MN1: variants seen among roughly 807,000 people sequenced by gnomAD.
MN1 encodes MN1 proto-oncogene, transcriptional regulator.
Under a neutral mutation model 86.9 loss-of-function variants are expected in MN1, and 19 were observed. The ratio of observed to expected loss-of-function variants is 0.22; its 90% CI spans 0.15 to 0.32. MN1 has a LOEUF of 0.32. Ranked by LOEUF, MN1 falls within the 10% of genes least tolerant of loss-of-function variation. MN1 has a pLI of 1.00. For synonymous variants in MN1, 928 were observed against 849.6 expected, an observed-to-expected ratio of 1.09 and a Z score of -1.60; for missense variants, 1,841 against 1,862.0, an observed-to-expected ratio of 0.99 and a Z score of 0.21.
Position 27,750,865 on chromosome 22 carries a change from A to G in MN1, c.*50T>C. ...GGGTAAGGTTGAGGGGGAAGGAAAC[A>G]GACAGGGGGAGAGGAAGGGCCTGGT... On this transcript the variant is annotated 3_prime_UTR_variant, in exon 2 of 2. Transcript: ENST00000302326. 6.8e-7 allele frequency: 1 copy of G among 1,476,640 alleles called. No homozygotes were observed. The highest frequency in any genetic ancestry group is 2.4e-5 in the East Asian group (1 of 42,032). 91.5% of individuals were successfully genotyped at this position (1,476,640 alleles called of 1,614,324 possible).
chr22:27,767,715 C>T lies in MN1; in HGVS notation c.3782-16619G>A, dbSNP rs541571989. Among the ~76,000 whole-genome samples, 6 of 152,198 alleles carry T rather than the reference C, an allele frequency of 3.9e-5. No homozygotes were observed. The East Asian group carries it at 1.2e-3, about 29-fold the overall frequency. ...TGGAAATCGGTGAAATTACCCTCCA[C>T]CGCTCCAACAACATCTCTGGGCAGG... is the stretch of plus-strand genomic sequence containing the variant. On this transcript the variant is annotated intron_variant, in intron 1 of 1. Transcript: ENST00000302326.
chr22:27,768,790 A>G (rs982717066), intron 1 of MN1, among the ~76,000 whole-genome samples: 3 of 152,178 alleles, frequency 2.0e-5, no homozygotes, highest in Non-Finnish European at 4.4e-5. Flanking sequence ...TGGGCCACAC[A>G]GTGTGACTCT....
At chr22:27,767,835 G>A (rs1009832864) in intron 1 of MN1, among the ~76,000 whole-genome samples, 1 of 152,156 alleles carries the variant, frequency 6.6e-6, no homozygotes, top group Non-Finnish European at 1.5e-5. Context: ...TCAGCAAATT[G>A]GAGGGTAATT....
intron 1 of MN1, among the ~76,000 whole-genome samples, chr22:27,782,148 C>T (rs1485055835): frequency 6.6e-6 from 1 of 152,194 alleles, no homozygotes; most frequent in Non-Finnish European, 1.5e-5. Flanking sequence ...GCGCTACCAT[C>T]CCACTGCTAG....
At position 27,797,173 on chromosome 22, in the gene MN1, G is replaced by A. The variant is rs776900381; in HGVS notation, c.3371C>T (p.Pro1124Leu). 2.8e-5 allele frequency: 44 copies of A among 1,559,720 alleles called. No homozygotes were observed. The highest frequency in any genetic ancestry group is 3.6e-5 in the Non-Finnish European group (42 of 1,156,290). ...TPDSYGGGGG[P>L]GHPGTPGLEQ... ...CAGGCCCGGAGTGCCCGGATGGCCC[G>A]GGCCCCCACCGCCGCCGTAGCTGTC... Residue 1124 changes from proline (P) to leucine (L), a missense_variant, in exon 1 of 2, where the codon CCG becomes CTG. Physicochemically the swap from Pro to Leu is moderately conservative, Grantham distance 98. Coordinates refer to ENST00000302326, the MANE Select transcript of MN1 (RefSeq NM_002430.3).
Position 27,798,567 on chromosome 22 carries a change from G to T in MN1, c.1977C>A (p.His659Gln). The T allele has an allele frequency of 6.5e-7, 1 of 1,532,784 alleles. No individual in the cohort carries two copies. Among genetic ancestry groups the T allele is most frequent in the Non-Finnish European group, 8.7e-7 (1 of 1,149,808 alleles). 94.9% of individuals were successfully genotyped at this position (1,532,784 alleles called of 1,614,324 possible). The change falls in exon 1 of 2, where the codon CAC becomes CAA. Residue 659 changes from histidine (H) to glutamine (Q), a missense_variant. Physicochemically the swap from His to Gln is conservative, Grantham distance 24 (BLOSUM62 0). Transcript: ENST00000302326. ...GAGGAGGGGGCGCCAGGCTGGGGTCGTGCGGGCCACAGTCAGCGGGCAGAC... is the reference window on the plus strand; with the variant it reads ...GAGGAGGGGGCGCCAGGCTGGGGTCTTGCGGGCCACAGTCAGCGGGCAGAC... The part of the protein sequence containing the change: ...GSGLPADCGP[H>Q]DPSLAPPPPP...
At chr22:27,754,121 A>G (rs4822935) in intron 1 of MN1, among the ~76,000 whole-genome samples, 114,573 of 152,098 alleles carry the variant, frequency 0.75, 43,690 homozygotes, top group African/African-American at 0.87. Context: ...GGGGCTGCAA[A>G]CACCCAGAAA....
chr22:27,796,803 G>A lies in MN1; in HGVS notation c.3741C>T (p.Pro1247=), dbSNP rs1460715060. Reference sequence around the variant, plus strand: ...GGTTCTGGGGTTTGGCCTTCTCCCAGGGCGCCAACGTCTTGTCGTCGTCCG... The same window carrying A: ...GGTTCTGGGGTTTGGCCTTCTCCCAAGGCGCCAACGTCTTGTCGTCGTCCG... The part of the protein sequence containing the change: ...DSADDDKTLA[P]WEKAKPQNPN... Residue 1247 remains proline, a synonymous_variant, in exon 1 of 2, where the codon CCC becomes CCT. Transcript: ENST00000302326. The A allele has an allele frequency of 1.9e-6, 3 of 1,607,988 alleles. No homozygotes were observed. The highest frequency in any genetic ancestry group is 1.3e-5 in the African/African-American group (1 of 74,870).
At chr22:27,786,375 A>G (rs1933132825) in intron 1 of MN1, among the ~76,000 whole-genome samples, 1 of 152,160 alleles carries the variant, frequency 6.6e-6, no homozygotes, top group Non-Finnish European at 1.5e-5. Flanking sequence ...TCCGAGACTT[A>G]TGCATACTTT....
chr22:27,798,482 CG>C lies in MN1; in HGVS notation c.2061del (p.Gly688GlufsTer76). On this transcript the variant is annotated frameshift_variant, in exon 1 of 2. Coordinates refer to ENST00000302326, the MANE Select transcript of MN1 (RefSeq NM_002430.3). LOFTEE classifies it high-confidence loss of function. ...RGPLQEPMRM[P>X]GEGHVPALPS... ...GGCAGCGCGGGCACGTGGCCCTCTC[CG>C]GGCATCCTCATCGGCTCCTGCAGAG... is the stretch of plus-strand genomic sequence containing the variant. 6.4e-7 allele frequency: 1 copy of C among 1,559,216 alleles called. No individual in the cohort carries two copies.
At chr22:27,791,481 GC>G (rs533258037) in intron 1 of MN1, among the ~76,000 whole-genome samples, 118 of 152,188 alleles carry the variant, frequency 7.8e-4, no homozygotes, top group Admixed American at 1.5e-3. Flanking sequence ...GGCGATCCTG[GC>G]CCCTCCAGAC....
In MN1 at chr22:27,800,801, G is replaced by A. The variant is rs1601348017; in HGVS notation, c.-258C>T. On this transcript the variant is annotated 5_prime_UTR_variant, in exon 1 of 2. Transcript: ENST00000302326. ...CGCGGGGCCTCTAGGAGCCGTGTTG[G>A]GGGGCCCATGCCCCGGGCGGTTGTC... 1.8e-5 allele frequency: 10 copies of A among 565,794 alleles called. 1 individual carries two copies. The East Asian group carries it at 3.1e-4, about 18-fold the overall frequency. The allele number at this position is 565,794 out of a possible 1,614,324, so 35.0% of individuals were successfully genotyped here.
At chr22:27,782,410 G>A (rs1601335338) in intron 1 of MN1, among the ~76,000 whole-genome samples, 1 of 152,178 alleles carries the variant, frequency 6.6e-6, no homozygotes, top group East Asian at 1.9e-4. Flanking sequence ...GCCTGGCATC[G>A]TTTCCCCTCC....
At chr22:27,760,213 C>T (rs1469912070) in intron 1 of MN1, among the ~76,000 whole-genome samples, 1 of 152,096 alleles carries the variant, frequency 6.6e-6, no homozygotes, top group Non-Finnish European at 1.5e-5. Flanking sequence ...GGAGTAGTGG[C>T]ACATGCCTGT....
At chr22:27,769,623 G>A in intron 1 of MN1, among the ~76,000 whole-genome samples, 1 of 139,068 alleles carries the variant, frequency 7.2e-6, no homozygotes, top group African/African-American at 2.8e-5. Context: ...CGCAATCTCG[G>A]CTCGCTGCAA....
chr22:27,785,707 A>C (rs1933122420), intron 1 of MN1, among the ~76,000 whole-genome samples: 1 of 151,776 alleles, frequency 6.6e-6, no homozygotes, highest in Non-Finnish European at 1.5e-5. Flanking sequence ...CCAGGAGTCT[A>C]GAAATGTCAT....
Position 27,797,797 on chromosome 22 carries a change from G to A in MN1, c.2747C>T (p.Thr916Ile), listed in dbSNP as rs1313435023. 1.3e-6 allele frequency: 2 copies of A among 1,598,626 alleles called. No individual in the cohort carries two copies. Among genetic ancestry groups the A allele is most frequent in the Non-Finnish European group, 1.7e-6 (2 of 1,174,190 alleles). The change falls in exon 1 of 2, where the codon ACC becomes ATC. Residue 916 changes from threonine to isoleucine, a missense_variant. Coordinates refer to ENST00000302326, the MANE Select transcript of MN1 (RefSeq NM_002430.3). ...CAGGGTGTAGTTGGGGGAGAGGCTG[G>A]TGCCGTCCCCCTGGGCTGGAGGGTT... Reference protein sequence around the residue: ...PPNPPAQGDGTSLSPNYTLES... With the variant: ...PPNPPAQGDGISLSPNYTLES...
Position 27,799,096 on chromosome 22 carries a change from T to C in MN1, c.1448A>G (p.Asp483Gly). Reference protein sequence around the residue: ...WNGSMHNGALDNHLSPSAYPG... With the variant: ...WNGSMHNGALGNHLSPSAYPG... The stretch of plus-strand genomic sequence containing the variant: ...GTAGGCGGAAGGGGAGAGGTGATTA[T>C]CCAGAGCGCCGTTGTGCATGCTGCC... The change falls in exon 1 of 2, where the codon GAT becomes GGT. Residue 483 changes from aspartate to glycine, a missense_variant. Asp to Gly is a moderately conservative substitution (Grantham distance 94). Transcript: ENST00000302326. 1 of 1,606,054 alleles carries C rather than the reference T, an allele frequency of 6.2e-7. No homozygotes were observed. The highest frequency in any genetic ancestry group is 8.5e-7 in the Non-Finnish European group (1 of 1,174,644).
chr22:27,801,085 CG>C lies in MN1; in HGVS notation c.-543del. The stretch of plus-strand genomic sequence containing the variant: ...GCACCGACAGAGCGGTCCCTCCCCC[CG>C]CCCCCCGGAGTCCCCGCGCCCCGCA... On this transcript the variant is annotated 5_prime_UTR_variant, in exon 1 of 2. Transcript: ENST00000302326. 4.3e-6 allele frequency: 1 copy of C among 232,092 alleles called. No individual in the cohort carries two copies. The highest frequency in any genetic ancestry group is 8.6e-6 in the Non-Finnish European group (1 of 116,948). 14.4% of individuals were successfully genotyped at this position (232,092 alleles called of 1,614,324 possible). A position where few individuals can be genotyped will look rare whatever the true frequency, so the allele number is the denominator to read the frequency against.
Sources: gnomAD v4.1 joint callset for allele counts (sites outside exome capture counted in the v4.1 genomes callset) on GRCh38, gnomAD v4.1.1 for gene constraint, MANE v1.5 for transcripts, NCBI Gene and HGNC (gene_info 2026-07-23, HGNC 2026-07-21) for gene names.